Variants in CTNND2 observed in about 807,000 individuals in gnomAD.
CTNND2 encodes the protein catenin delta-2.
CTNND2 carries 22 observed loss-of-function variants against 144.4 expected under a neutral mutation model. The ratio of observed to expected loss-of-function variants is 0.15; its 90% CI spans 0.11 to 0.22. The LOEUF is 0.22. Among genes scored for constraint, CTNND2 ranks in the 10% least tolerant of loss-of-function variants. CTNND2 has a pLI of 1.00. For synonymous variants in CTNND2, 751 were observed against 695.6 expected (o/e 1.08, Z -1.25); for missense variants, 1,353 against 1,618.8 (o/e 0.84, Z 2.82).
chr5:11,067,740 A>T (rs1747769038), intron 16 of CTNND2, among the ~76,000 whole-genome samples: 1 of 152,170 alleles, frequency 6.6e-6, no homozygotes, highest in Admixed American at 6.5e-5. Context: ...TTGCATTTTA[A>T]TGTTTACAAT....
intron 1 of CTNND2, among the ~76,000 whole-genome samples, chr5:11,781,078 A>G (rs1790518107): frequency 6.6e-6 from 1 of 152,188 alleles, no homozygotes; most frequent in African/African-American, 2.4e-5. Context: ...ACACACTGAT[A>G]AACTGTTTTC....
At chr5:11,542,960 C>G (rs897725346) in intron 3 of CTNND2, among the ~76,000 whole-genome samples, 1 of 152,214 alleles carries the variant, frequency 6.6e-6, no homozygotes, top group African/African-American at 2.4e-5. Context: ...ATCAAAATCT[C>G]AAGTCACATA....
chr5:11,034,283 C>A (rs1423195393), intron 16 of CTNND2, among the ~76,000 whole-genome samples: 2 of 152,222 alleles, frequency 1.3e-5, no homozygotes, highest in East Asian at 3.9e-4. Flanking sequence ...AACAGATAAG[C>A]TAATATTATT....
intron 5 of CTNND2, among the ~76,000 whole-genome samples, chr5:11,408,985 C>T (rs898698806): frequency 6.6e-6 from 1 of 151,900 alleles, no homozygotes. Context: ...TAGTTTCTTG[C>T]TATTTATTTA....
chr5:11,656,816 G>A (rs185683998), intron 2 of CTNND2, among the ~76,000 whole-genome samples: 2 of 152,038 alleles, frequency 1.3e-5, no homozygotes, highest in African/African-American at 2.4e-5. Flanking sequence ...CAATTTTAAT[G>A]GTTCTGAAAT....
intron 9 of CTNND2, among the ~76,000 whole-genome samples, chr5:11,330,029 A>T (rs1278218331): frequency 6.6e-6 from 1 of 152,190 alleles, no homozygotes; most frequent in Non-Finnish European, 1.5e-5. Flanking sequence ...TGTTACATAC[A>T]GGAACTTCAG....
chr5:11,207,384 T>A (rs796087980), intron 10 of CTNND2, among the ~76,000 whole-genome samples: 3,378 of 139,998 alleles, frequency 0.024, 78 homozygotes, highest in African/African-American at 0.063. Context: ...TTCAAGTATT[T>A]AAAAAAAAAA....
At chr5:11,414,972 T>C (rs146264489) in intron 3 of CTNND2, among the ~76,000 whole-genome samples, 2 of 152,354 alleles carry the variant, frequency 1.3e-5, no homozygotes, top group African/African-American at 4.8e-5. Flanking sequence ...GGTGTATATG[T>C]ACCACATCTT....
intron 3 of CTNND2, among the ~76,000 whole-genome samples, chr5:11,501,957 G>A (rs173609): frequency 0.013 from 1,977 of 147,058 alleles, 30 homozygotes; most frequent in African/African-American, 0.042. Flanking sequence ...GAACCCAGCA[G>A]ACGGAGCTTG....
intron 21 of CTNND2, among the ~76,000 whole-genome samples, chr5:10,974,257 G>A (rs887201566): frequency 2.6e-5 from 4 of 152,194 alleles, no homozygotes; most frequent in African/African-American, 9.7e-5. Context: ...TGTTGCACAT[G>A]GCAGACCTTG....
chr5:11,332,873 T>G (rs1410093851), intron 9 of CTNND2, among the ~76,000 whole-genome samples: 1 of 152,178 alleles, frequency 6.6e-6, no homozygotes, highest in African/African-American at 2.4e-5. Flanking sequence ...TCTCATGAGA[T>G]CTGATGGTTT....
chr5:11,717,934 T>C (rs1399448995), intron 2 of CTNND2, among the ~76,000 whole-genome samples: 1 of 152,158 alleles, frequency 6.6e-6, no homozygotes, highest in East Asian at 1.9e-4. Flanking sequence ...ATTAATGCTA[T>C]CAACACCTTC....
chr5:11,619,976 A>C (rs1333192134), intron 2 of CTNND2, among the ~76,000 whole-genome samples: 2 of 152,240 alleles, frequency 1.3e-5, no homozygotes, highest in Non-Finnish European at 2.9e-5. Context: ...TGTTTTCAAT[A>C]AATGTTTAAA....
chr5:11,653,597 A>T (rs1324196420), intron 2 of CTNND2, among the ~76,000 whole-genome samples: 1 of 152,014 alleles, frequency 6.6e-6, no homozygotes, highest in African/African-American at 2.4e-5. Flanking sequence ...TGTTTTTTGT[A>T]AATATTGAAT....
chr5:11,597,399 G>A (rs983986130), intron 2 of CTNND2, among the ~76,000 whole-genome samples: 2 of 152,172 alleles, frequency 1.3e-5, no homozygotes, highest in Non-Finnish European at 2.9e-5. Flanking sequence ...AATCTGGAAT[G>A]AGATGATTCC....
chr5:11,561,927 T>A (rs1776712724), intron 3 of CTNND2, among the ~76,000 whole-genome samples: 1 of 151,996 alleles, frequency 6.6e-6, no homozygotes, highest in Non-Finnish European at 1.5e-5. Context: ...ACATCTGTAA[T>A]CCCAGCTACT....
chr5:11,527,921 T>C (rs1773408088), intron 3 of CTNND2, among the ~76,000 whole-genome samples: 1 of 152,190 alleles, frequency 6.6e-6, no homozygotes, highest in Non-Finnish European at 1.5e-5. Flanking sequence ...GGTACGGCGC[T>C]GCATTAAGGG....
rs1450654704 is a variant in CTNND2 at position 11,355,024 on chromosome 5, A to G, written c.1373-8397T>C. 3.3e-5 allele frequency among the ~76,000 whole-genome samples: 5 copies of G among 152,202 alleles called. No homozygotes were observed. The East Asian group carries it at 9.6e-4, about 29-fold the overall frequency. ...ACAATTTAATGAAATTAAACGGCAA[A>G]TTAAAAATTTCCTTGTGACAAATGA... On this transcript the variant is annotated intron_variant, in intron 8 of 21. Coordinates refer to ENST00000304623, the MANE Select transcript of CTNND2 (RefSeq NM_001332.4).
At chr5:11,462,589 G>C (rs185179472) in intron 3 of CTNND2, among the ~76,000 whole-genome samples, 1 of 151,616 alleles carries the variant, frequency 6.6e-6, no homozygotes, top group African/African-American at 2.4e-5. Flanking sequence ...ATAGAAACAG[G>C]TTACGATGAG....
Sources: allele counts gnomAD v4.1 joint callset (sites outside exome capture counted in the v4.1 genomes callset), GRCh38; gene constraint gnomAD v4.1.1; transcripts MANE v1.5; gene names NCBI Gene and HGNC (gene_info 2026-07-23, HGNC 2026-07-21).